The following GNG2 variants were observed in gnomAD, a reference collection of about 807,000 sequenced individuals.
GNG2 encodes guanine nucleotide-binding protein G(I)/G(S)/G(O) subunit gamma-2.
GNG2 carries 5 observed loss-of-function variants against 5.5 expected under a neutral mutation model. The observed-to-expected ratio is 0.91, with a 90% CI of 0.48 to 1.92. GNG2 has a LOEUF of 1.92. Among genes scored for constraint, GNG2 ranks in the 30% most tolerant of loss-of-function variants. The pLI is 0.01. For synonymous variants in GNG2, 28 were observed against 32.0 expected (o/e 0.88, Z 0.42); for missense variants, 55 against 88.4 (o/e 0.62, Z 1.52).
At position 51,872,310 on chromosome 14, in the gene GNG2, T is replaced by TTGTGTGTGTGTGTG. The variant is rs35147124; in HGVS notation, c.-70-5295_-70-5282dup. On this transcript the variant is annotated intron_variant, in intron 1 of 3. Coordinates refer to ENST00000556766, the MANE Select transcript of GNG2 (RefSeq NM_053064.5). ...GATACAATAATTTTAAATGACTATTTTGTGTGTGTGTGTGTGTGTGTGTGT... is the reference window on the plus strand; with the variant it reads ...GATACAATAATTTTAAATGACTATTTTGTGTGTGTGTGTGTGTGTGTGTGTGTGTGTGTGTGTGT... Among the ~76,000 whole-genome samples, 1,162 of 149,972 alleles carry TTGTGTGTGTGTGTG rather than the reference T, an allele frequency of 7.7e-3. 11 individuals are homozygous for TTGTGTGTGTGTGTG. Among genetic ancestry groups the TTGTGTGTGTGTGTG allele is most frequent in the African/African-American group, 0.02 (812 of 40,866 alleles).
intron 2 of GNG2, among the ~76,000 whole-genome samples, chr14:51,937,348 G>T (rs1053062711): frequency 3.3e-5 from 5 of 152,162 alleles, no homozygotes; most frequent in African/African-American, 9.7e-5. Context: ...GGTAAATCTT[G>T]CAGTGTAGAT....
chr14:51,864,292 C>T (rs1160691816), intron 1 of GNG2, among the ~76,000 whole-genome samples: 2 of 152,088 alleles, frequency 1.3e-5, no homozygotes, highest in Admixed American at 1.3e-4. Flanking sequence ...TTCTTGTGCT[C>T]ATTGGCCATT....
intron 3 of GNG2, among the ~76,000 whole-genome samples, chr14:51,960,180 T>C (rs1889512668): frequency 6.6e-6 from 1 of 152,090 alleles, no homozygotes; most frequent in South Asian, 2.1e-4. Context: ...GTTCATTTTT[T>C]TTTTCAGTCT....
At chr14:51,950,815 T>A (rs986264760) in intron 3 of GNG2, 50 bp downstream of exon 3, 13 of 1,125,326 alleles carry the variant, frequency 1.2e-5, no homozygotes, top group Non-Finnish European at 1.4e-5. Flanking sequence ...CTAAGGCGCA[T>A]GTCATGTGAC....
intron 2 of GNG2, among the ~76,000 whole-genome samples, chr14:51,880,980 A>AAC (rs1249223162): frequency 6.6e-6 from 1 of 151,048 alleles, no homozygotes; most frequent in Non-Finnish European, 1.5e-5. Flanking sequence ...AAAAAAAAAA[A>AAC]AAAAAAAACC....
At chr14:51,840,501 C>A (rs1008087053) in intron 2 of GNG2, among the ~76,000 whole-genome samples, 5 of 152,196 alleles carry the variant, frequency 3.3e-5, no homozygotes, top group Admixed American at 3.3e-4. Context: ...ACAGACTTCT[C>A]TCCTCTGTAA....
chr14:51,848,777 T>C (rs1881762219), intron 2 of GNG2, among the ~76,000 whole-genome samples: 2 of 152,118 alleles, frequency 1.3e-5, no homozygotes, highest in South Asian at 2.1e-4. Flanking sequence ...ATGCAGAGAT[T>C]TGCAGTCCTG....
intron 2 of GNG2, among the ~76,000 whole-genome samples, chr14:51,947,710 T>A (rs11628249): frequency 0.35 from 52,855 of 152,026 alleles, 9,711 homozygotes; most frequent in Middle Eastern, 0.42. Flanking sequence ...AGTAATATAT[T>A]ACAGCAGCAA....
intron 2 of GNG2, among the ~76,000 whole-genome samples, chr14:51,944,621 G>A (rs1888536057): frequency 6.6e-6 from 1 of 152,078 alleles, no homozygotes; most frequent in Admixed American, 6.6e-5. Context: ...GAATGAAGTT[G>A]GCCGTAACAC....
At chr14:51,888,681 C>G (rs75821128) in intron 2 of GNG2, among the ~76,000 whole-genome samples, 1 of 152,040 alleles carries the variant, frequency 6.6e-6, no homozygotes, top group Admixed American at 6.5e-5. Context: ...TAACATCCTC[C>G]AGGAGTAGTG....
In GNG2 at chr14:51,969,471, A is replaced by C. The variant is rs1890102277; in HGVS notation, c.*2784A>C. ...CAAGGACAAAACAATAAATTTAAAA[A>C]TCAAACGATTTCTCCATACGCTCAT... On this transcript the variant is annotated 3_prime_UTR_variant, in exon 4 of 4. Transcript: ENST00000556766. 6.6e-6 allele frequency: 1 copy of C among 152,222 alleles called. No homozygotes were observed. The highest frequency in any genetic ancestry group is 2.1e-4 in the South Asian group (1 of 4,832). The allele number at this position is 152,222 out of a possible 1,614,324, so 9.4% of individuals were successfully genotyped here. A position where few individuals can be genotyped will look rare whatever the true frequency, so the allele number is the denominator to read the frequency against.
chr14:51,916,123 A>G (rs1019750079), intron 2 of GNG2: 1 of 202,436 alleles, frequency 4.9e-6, no homozygotes, highest in African/African-American at 2.4e-5. Context: ...AGAATAAAGA[A>G]TTATTGATTG....
intron 2 of GNG2, among the ~76,000 whole-genome samples, chr14:51,898,724 G>A (rs189036364): frequency 6.6e-6 from 1 of 152,190 alleles, no homozygotes; most frequent in Non-Finnish European, 1.5e-5. Context: ...CTGAGATGAG[G>A]AATGTCTCTG....
chr14:51,880,680 T>C (rs2140139893), intron 2 of GNG2, among the ~76,000 whole-genome samples: 1 of 152,300 alleles, frequency 6.6e-6, no homozygotes, highest in Admixed American at 6.5e-5. Flanking sequence ...CAAACTGCCC[T>C]TATTTGCCAA....
At chr14:51,963,411 T>C (rs1029943992) in intron 3 of GNG2, among the ~76,000 whole-genome samples, 4 of 152,194 alleles carry the variant, frequency 2.6e-5, no homozygotes, top group Non-Finnish European at 5.9e-5. Context: ...GTTTTAGATA[T>C]CACTGATTTA....
intron 2 of GNG2, among the ~76,000 whole-genome samples, chr14:51,927,137 T>A (rs529720955): frequency 6.6e-6 from 1 of 152,400 alleles, no homozygotes; most frequent in East Asian, 1.9e-4. Flanking sequence ...TCTCATGTTA[T>A]TTACTGTTAT....
chr14:51,967,892 G>A lies in GNG2; in HGVS notation c.*1205G>A, dbSNP rs975806537. On this transcript the variant is annotated 3_prime_UTR_variant, in exon 4 of 4. Coordinates refer to ENST00000556766, the MANE Select transcript of GNG2 (RefSeq NM_053064.5). Reference sequence around the variant, plus strand: ...CAGAAGAAATAAACCCACAGCTCCAGAGAAGGTGACCATTCTCAGAACTCC... The same window carrying A: ...CAGAAGAAATAAACCCACAGCTCCAAAGAAGGTGACCATTCTCAGAACTCC... 6.6e-6 allele frequency: 1 copy of A among 152,134 alleles called. No individual in the cohort carries two copies. Among genetic ancestry groups the A allele is most frequent in the Non-Finnish European group, 1.5e-5 (1 of 68,032 alleles). The allele number at this position is 152,134 out of a possible 1,614,324, so 9.4% of individuals were successfully genotyped here.
chr14:51,903,477 C>G (rs1243212382), intron 2 of GNG2, among the ~76,000 whole-genome samples: 1 of 152,142 alleles, frequency 6.6e-6, no homozygotes, highest in Non-Finnish European at 1.5e-5. Flanking sequence ...AGGGCGTGGA[C>G]TTATGTGCTC....
At chr14:51,841,403 A>T in intron 2 of GNG2, 1 of 558,248 alleles carries the variant, frequency 1.8e-6, no homozygotes, top group Admixed American at 3.0e-5. Flanking sequence ...TGCACCAAAC[A>T]AACAAACAAA....
Sources: allele counts gnomAD v4.1 joint callset (sites outside exome capture counted in the v4.1 genomes callset), GRCh38; gene constraint gnomAD v4.1.1; transcripts MANE v1.5; gene names NCBI Gene and HGNC (gene_info 2026-07-23, HGNC 2026-07-21).